Variants in SUPT6H observed in about 807,000 individuals in gnomAD.
SUPT6H encodes transcription elongation factor SPT6.
In SUPT6H, 11 loss-of-function variants were observed where a neutral mutation model predicts 222.3. The ratio of observed to expected loss-of-function variants is 0.05; its 90% CI spans 0.03 to 0.08. SUPT6H has a LOEUF of 0.08. Among genes scored for constraint, SUPT6H ranks in the 10% least tolerant of loss-of-function variants. The pLI is 1.00. For missense variants in SUPT6H, 1,422 were observed against 2,216.0 expected (o/e 0.64, Z 7.19); for synonymous variants, 762 against 801.2 (o/e 0.95, Z 0.83).
chr17:28,684,447 C>A, intron 17 of SUPT6H, 139 bp from the exon 18 acceptor site: 1 of 1,011,194 alleles, frequency 9.9e-7, no homozygotes, highest in Non-Finnish European at 1.5e-6. Flanking sequence ...GGTAAGCCTG[C>A]CAATGGCTAG....
At position 28,678,583 on chromosome 17, in the gene SUPT6H, G is replaced by A. The variant is rs770130597; in HGVS notation, c.1155G>A (p.Glu385=). The change falls in exon 10 of 37, where the codon GAG becomes GAA. Residue 385 remains glutamate (E), a synonymous_variant. Transcript: ENST00000314616. ...FIAFYRKEYV[E]PELHINDLWR... ...CCTTCTATCGAAAGGAGTATGTGGA[G>A]CCTGAGTTGCACATCAATGACCTAT... 4 of 1,614,184 alleles carry A rather than the reference G, an allele frequency of 2.5e-6. No homozygotes were observed. In the East Asian group the frequency reaches 6.7e-5, roughly 27 times the overall value.
intron 1 of SUPT6H, among the ~76,000 whole-genome samples, chr17:28,665,881 A>G (rs150646034): frequency 2.6e-5 from 4 of 152,178 alleles, no homozygotes; most frequent in Non-Finnish European, 4.4e-5. Context: ...ACACCACTGC[A>G]CTCCAGTCTG....
At chr17:28,691,395 A>G (rs950485175) in intron 27 of SUPT6H, 1 of 239,228 alleles carries the variant, frequency 4.2e-6, no homozygotes, top group African/African-American at 2.2e-5. Flanking sequence ...TTGTGGTGGC[A>G]TACGCCTGTA....
Position 28,696,802 on chromosome 17 carries a change from A to G in SUPT6H, c.3971-42A>G, listed in dbSNP as rs763957060. The stretch of plus-strand genomic sequence containing the variant: ...GTTTGTCCTGTTGCTGCCAGCTCCT[A>G]GCCCCATCACCCAGTCTGTACTGCT... On this transcript the variant is annotated intron_variant, in intron 29 of 36. Coordinates refer to ENST00000314616, the MANE Select transcript of SUPT6H (RefSeq NM_003170.5). The G allele has an allele frequency of 6.3e-6, 10 of 1,578,306 alleles. 1 individual carries two copies. The South Asian group carries it at 1.1e-4, about 17-fold the overall frequency.
chr17:28,700,728 A>C, intron 35 of SUPT6H: 1 of 924,406 alleles, frequency 1.1e-6, no homozygotes, highest in Non-Finnish European at 1.6e-6. Flanking sequence ...TGGAACCCGC[A>C]AGCCACCAGA....
In SUPT6H at chr17:28,684,832, T is replaced by G. The variant is rs2031300815; in HGVS notation, c.2370-12T>G. ...TGATTATTGCATTCTTGTTTTTCTG[T>G]CTGTCTGGCAGAGATCACCCTGTGT... On this transcript the variant is annotated splice_polypyrimidine_tract_variant and intron_variant, in intron 18 of 36. Transcript: ENST00000314616. The G allele has an allele frequency of 6.2e-7, 1 of 1,614,064 alleles. No individual in the cohort carries two copies. The highest frequency in any genetic ancestry group is 8.5e-7 in the Non-Finnish European group (1 of 1,179,904).
At chr17:28,686,965 G>A (rs961406093) in intron 21 of SUPT6H, 123 bp from the exon 22 acceptor site, 34 of 1,496,694 alleles carry the variant, frequency 2.3e-5, no homozygotes, top group Middle Eastern at 2.3e-4. Flanking sequence ...AAATTAAATC[G>A]GTCTCAGGAA....
rs1179512789 is a variant in SUPT6H at position 28,691,036 on chromosome 17, G to T, written c.3606G>T (p.Gln1202His). Residue 1202 changes from glutamine (Q) to histidine (H), a missense_variant, in exon 27 of 37, where the codon CAG (glutamine) becomes CAT (histidine). By Grantham distance (24) the Gln-to-His change is conservative. This residue lies in a region of SUPT6H where 39 missense variants were observed against 124.2 expected (regional missense o/e 0.31). Transcript: ENST00000314616. ...ETGLWQCPFCQQDNFPELSEV... is the reference protein window; with the variant it reads ...ETGLWQCPFCHQDNFPELSEV... Reference sequence around the variant, plus strand: ...GGCTGTGGCAGTGCCCCTTCTGTCAGCAGGACAATTTCCCTGAACTAAGCG... The same window carrying T: ...GGCTGTGGCAGTGCCCCTTCTGTCATCAGGACAATTTCCCTGAACTAAGCG... The T allele has an allele frequency of 8.1e-6, 13 of 1,613,938 alleles. No homozygotes were observed. Among genetic ancestry groups the T allele is most frequent in the African/African-American group, 1.3e-5 (1 of 74,912 alleles).
At chr17:28,691,104 G>A (rs2031621457) in intron 27 of SUPT6H, 41 bp downstream of exon 27, 1 of 1,595,552 alleles carries the variant, frequency 6.3e-7, no homozygotes, top group Non-Finnish European at 8.5e-7. Flanking sequence ...GATTTCCTTG[G>A]TTGAATGATC....
At chr17:28,677,046 T>C (rs1164452216) in intron 7 of SUPT6H, among the ~76,000 whole-genome samples, 1 of 151,924 alleles carries the variant, frequency 6.6e-6, no homozygotes, top group African/African-American at 2.4e-5. Flanking sequence ...CTGGCCAACA[T>C]TGTGAAACCC....
In SUPT6H at chr17:28,693,418, C is replaced by T. The variant is rs376864211; in HGVS notation, c.3634-278C>T. On this transcript the variant is annotated intron_variant, in intron 27 of 36. Transcript: ENST00000314616. ...CGGAGGTTGCAGTGAGCCAAGATTG[C>T]GCCACTGCACTCCAGCCTGGGCAAC... Among the ~76,000 whole-genome samples the T allele has an allele frequency of 1.5e-4, 23 of 150,038 alleles. No homozygotes were observed. In the East Asian group the frequency reaches 1.6e-3, roughly 10 times the overall value.
chr17:28,674,910 A>T (rs1474565871), intron 4 of SUPT6H, 60 bp from the exon 5 acceptor site: 8 of 1,560,640 alleles, frequency 5.1e-6, no homozygotes, highest in African/African-American at 1.4e-5. Flanking sequence ...GAGACTGGAG[A>T]TTTGGTATCC....
At chr17:28,670,701 A>G (rs1378534269) in intron 1 of SUPT6H, among the ~76,000 whole-genome samples, 1 of 152,176 alleles carries the variant, frequency 6.6e-6, no homozygotes, top group Non-Finnish European at 1.5e-5. Flanking sequence ...AGCCTGACCA[A>G]CATGGAGAAA....
chr17:28,700,618 C>T lies in SUPT6H; in HGVS notation c.4806+106C>T. On this transcript the variant is annotated intron_variant, in intron 35 of 36. Coordinates refer to ENST00000314616, the MANE Select transcript of SUPT6H (RefSeq NM_003170.5). ...CATGCACAGATGGGGCTGCCACGGCCTTGGTAACTGTCTCCAACAGATATT... is the reference window on the plus strand; with the variant it reads ...CATGCACAGATGGGGCTGCCACGGCTTTGGTAACTGTCTCCAACAGATATT... 5.0e-6 allele frequency: 7 copies of T among 1,411,004 alleles called. No individual in the cohort carries two copies. The East Asian group carries it at 9.2e-5, about 19-fold the overall frequency. The allele number at this position is 1,411,004 out of a possible 1,614,324, so 87.4% of individuals were successfully genotyped here.
intron 28 of SUPT6H, chr17:28,695,055 G>A: frequency 3.2e-6 from 1 of 316,756 alleles, no homozygotes; most frequent in South Asian, 5.0e-5. Flanking sequence ...CACCTTGGGA[G>A]CAGTAACTAG....
intron 14 of SUPT6H, 24 bp from the exon 15 acceptor site, chr17:28,682,918 G>A: frequency 6.2e-7 from 1 of 1,612,072 alleles, no homozygotes; most frequent in Non-Finnish European, 8.5e-7. Context: ...CCCTGGTCCT[G>A]TAGCTGCACC....
At chr17:28,676,053 T>A in intron 6 of SUPT6H, 104 bp from the exon 7 acceptor site, 1 of 1,353,524 alleles carries the variant, frequency 7.4e-7, no homozygotes, top group East Asian at 2.3e-5. Context: ...ACCTTCCTCC[T>A]AACCCTCTCA....
At position 28,681,140 on chromosome 17, in the gene SUPT6H, G is replaced by A. The variant is rs560989856; in HGVS notation, c.1350-116G>A. The stretch of plus-strand genomic sequence containing the variant: ...TAGTAATAATAATTGGAAAAAACTG[G>A]TTGGGATCCCATTTTAGTTGGGATA... On this transcript the variant is annotated intron_variant, in intron 11 of 36. Coordinates refer to ENST00000314616, the MANE Select transcript of SUPT6H (RefSeq NM_003170.5). 6 of 1,098,924 alleles carry A rather than the reference G, an allele frequency of 5.5e-6. No homozygotes were observed. The East Asian group carries it at 1.5e-4, about 27-fold the overall frequency. The allele number at this position is 1,098,924 out of a possible 1,614,324, so 68.1% of individuals were successfully genotyped here.
At chr17:28,696,721 C>A in intron 29 of SUPT6H, 123 bp from the exon 30 acceptor site, 1 of 894,586 alleles carries the variant, frequency 1.1e-6, no homozygotes, top group Non-Finnish European at 1.8e-6. Flanking sequence ...CACTGGCACT[C>A]CAGCCCAGAT....
Sources: allele counts gnomAD v4.1 joint callset (sites outside exome capture counted in the v4.1 genomes callset), GRCh38; gene constraint gnomAD v4.1.1; regional missense constraint gnomAD v4.1.1; transcripts MANE v1.5; gene names NCBI Gene and HGNC (gene_info 2026-07-23, HGNC 2026-07-21).